The following SAMD12 variants were observed in gnomAD, a reference collection of about 807,000 sequenced individuals.
SAMD12 encodes the protein sterile alpha motif domain containing 12, also known as sterile alpha motif domain-containing protein 12.
A neutral mutation model predicts 15.0 loss-of-function variants in SAMD12; 9 were observed. The ratio of observed to expected loss-of-function variants is 0.60; its 90% CI spans 0.36 to 1.05. SAMD12 has a LOEUF of 1.05. SAMD12 is among the 50% of genes least tolerant of loss of function. SAMD12 has a pLI of 0.01. For missense variants in SAMD12, 230 were observed against 234.2 expected, an observed-to-expected ratio of 0.98 and a Z score of 0.12; for synonymous variants, 86 against 90.1, an observed-to-expected ratio of 0.96 and a Z score of 0.25.
At chr8:118,593,962 C>G (rs888205382) in intron 1 of SAMD12, among the ~76,000 whole-genome samples, 4 of 152,188 alleles carry the variant, frequency 2.6e-5, no homozygotes, top group Admixed American at 6.5e-5. Context: ...TTTATAAAAG[C>G]GACTTCCTAT....
chr8:118,512,421 T>A (rs1470150192), intron 2 of SAMD12, among the ~76,000 whole-genome samples: 1 of 152,214 alleles, frequency 6.6e-6, no homozygotes, highest in East Asian at 1.9e-4. Flanking sequence ...TAAAATAGAC[T>A]GAGTTACTTT....
rs75257038 is a variant in SAMD12, at chr8:118,388,565, C to T, written c.323-8865G>A. On this transcript the variant is annotated intron_variant, in intron 3 of 3. Transcript: ENST00000314727. The stretch of plus-strand genomic sequence containing the variant: ...GATTCACTCCCACCCCTTCCCATAA[C>T]GTAAGTAAGCTCCATGAAAGCAGGG... Among the ~76,000 whole-genome samples the T allele has an allele frequency of 2.3e-3, 346 of 152,238 alleles. 2 individuals carry two copies. The highest frequency in any genetic ancestry group is 7.9e-3 in the African/African-American group (330 of 41,546).
intron 4 of SAMD12, among the ~76,000 whole-genome samples, chr8:118,260,790 C>T (rs1467559706): frequency 2.0e-5 from 3 of 152,072 alleles, no homozygotes; most frequent in Non-Finnish European, 2.9e-5. Context: ...CTCTCCAGGT[C>T]GAAGGACACA....
At chr8:118,354,947 C>T (rs571364049) in intron 4 of SAMD12, among the ~76,000 whole-genome samples, 171 of 152,288 alleles carry the variant, frequency 1.1e-3, no homozygotes, top group African/African-American at 3.9e-3. Context: ...CTCAGCAGAA[C>T]ATTTAAAAAT....
intron 3 of SAMD12, among the ~76,000 whole-genome samples, chr8:118,393,057 G>A (rs900996996): frequency 2.0e-5 from 3 of 151,976 alleles, no homozygotes; most frequent in African/African-American, 7.3e-5. Context: ...CTTACTTTTG[G>A]GAAAAATCAC....
intron 2 of SAMD12, among the ~76,000 whole-genome samples, chr8:118,446,730 G>C (rs1822926978): frequency 6.6e-6 from 1 of 151,966 alleles, no homozygotes; most frequent in Non-Finnish European, 1.5e-5. Flanking sequence ...TTTGCCTTTG[G>C]GTAAATGCAA....
At chr8:118,599,296 T>C (rs1827797268) in intron 1 of SAMD12, among the ~76,000 whole-genome samples, 1 of 152,222 alleles carries the variant, frequency 6.6e-6, no homozygotes, top group Admixed American at 6.5e-5. Flanking sequence ...TCGTCCTCTC[T>C]GCACTACATG....
intron 2 of SAMD12, among the ~76,000 whole-genome samples, chr8:118,539,628 G>A (rs1825937484): frequency 6.6e-6 from 1 of 152,134 alleles, no homozygotes; most frequent in African/African-American, 2.4e-5. Context: ...AGAACTGCTG[G>A]TCACCATGTT....
chr8:118,395,510 C>T (rs1272033792), intron 3 of SAMD12, among the ~76,000 whole-genome samples: 7 of 152,144 alleles, frequency 4.6e-5, no homozygotes, highest in Admixed American at 1.3e-4. Context: ...CTTTAGCAAA[C>T]ACCCTGAGGC....
intron 2 of SAMD12, among the ~76,000 whole-genome samples, chr8:118,579,355 A>G (rs1827227818): frequency 6.6e-6 from 1 of 152,172 alleles, no homozygotes; most frequent in Middle Eastern, 3.2e-3. Flanking sequence ...CTTTCTTAAC[A>G]GGGTTCACTC....
At chr8:118,584,429 T>G (rs925780099) in intron 1 of SAMD12, among the ~76,000 whole-genome samples, 2 of 152,096 alleles carry the variant, frequency 1.3e-5, no homozygotes, top group Admixed American at 6.6e-5. Flanking sequence ...TTCCCTAAAG[T>G]TATTTACTTA....
At chr8:118,172,803 A>T in the SAMD12 span, among the ~76,000 whole-genome samples, 4 of 152,192 alleles carry the variant, frequency 2.6e-5, no homozygotes, top group African/African-American at 7.2e-5. Flanking sequence ...TTCTGTATAC[A>T]ATATAGTTTT....
At chr8:118,164,564 A>G in the SAMD12 span, among the ~76,000 whole-genome samples, 7 of 151,606 alleles carry the variant, frequency 4.6e-5, 1 homozygote, top group African/African-American at 1.7e-4. Context: ...TTTTATTTTT[A>G]TTTTTTGCTA....
intron 1 of SAMD12, among the ~76,000 whole-genome samples, chr8:118,590,855 T>A (rs888670105): frequency 6.6e-6 from 1 of 152,094 alleles, no homozygotes; most frequent in Non-Finnish European, 1.5e-5. Context: ...GCAGCTATAC[T>A]AAAAATGCTT....
At chr8:118,232,524 C>T (rs571746957) in intron 4 of SAMD12, among the ~76,000 whole-genome samples, 3 of 152,264 alleles carry the variant, frequency 2.0e-5, no homozygotes, top group East Asian at 3.9e-4. Flanking sequence ...TCTGCTATAT[C>T]AGCAGAGGAA....
intron 2 of SAMD12, among the ~76,000 whole-genome samples, chr8:118,579,117 T>G (rs1207777455): frequency 6.6e-6 from 1 of 152,194 alleles, no homozygotes; most frequent in African/African-American, 2.4e-5. Context: ...TTTTGTATAT[T>G]ACCAATATCT....
At chr8:118,330,008 G>C (rs941981724) in intron 4 of SAMD12, among the ~76,000 whole-genome samples, 2 of 152,118 alleles carry the variant, frequency 1.3e-5, no homozygotes, top group Non-Finnish European at 2.9e-5. Context: ...CGCTTGTATG[G>C]AACAACATGG....
At chr8:118,465,848 G>T (rs1439153682) in intron 2 of SAMD12, among the ~76,000 whole-genome samples, 1 of 152,142 alleles carries the variant, frequency 6.6e-6, no homozygotes, top group African/African-American at 2.4e-5. Context: ...AAGTGAGGCA[G>T]TCCTGGGGAT....
intron 3 of SAMD12, among the ~76,000 whole-genome samples, chr8:118,400,064 A>G (rs1286318199): frequency 2.0e-5 from 3 of 152,244 alleles, no homozygotes; most frequent in Non-Finnish European, 4.4e-5. Context: ...TGAGCACTAT[A>G]TAATCACAGT....
Sources: gnomAD v4.1 joint callset for allele counts (sites outside exome capture counted in the v4.1 genomes callset) on GRCh38, gnomAD v4.1.1 for gene constraint, MANE v1.5 for transcripts, NCBI Gene and HGNC (gene_info 2026-07-23, HGNC 2026-07-21) for gene names.